PPP4R3B: variants seen among roughly 807,000 people sequenced by gnomAD.
PPP4R3B encodes serine/threonine-protein phosphatase 4 regulatory subunit 3B.
Under a neutral mutation model 95.4 loss-of-function variants are expected in PPP4R3B, and 52 were observed. The ratio of observed to expected loss-of-function variants is 0.54; its 90% confidence interval spans 0.44 to 0.69. The LOEUF is 0.69. PPP4R3B is among the 30% of genes least tolerant of loss of function. The pLI, the probability that PPP4R3B is intolerant of heterozygous loss-of-function variation, is 0.00. For synonymous variants in PPP4R3B, 407 were observed against 343.9 expected (o/e 1.18, Z -2.03); for missense variants, 1,003 against 1,005.9 (o/e 1.00, Z 0.04).
At chr2:55,579,167 G>A (rs1013437661) in intron 9 of PPP4R3B, among the ~76,000 whole-genome samples, 1 of 151,916 alleles carries the variant, frequency 6.6e-6, no homozygotes, top group Admixed American at 6.6e-5. Context: ...TGAATTACGG[G>A]TGCCGATTAC....
intron 15 of PPP4R3B, among the ~76,000 whole-genome samples, chr2:55,562,858 C>T (rs988462147): frequency 1.3e-5 from 2 of 152,328 alleles, no homozygotes; most frequent in East Asian, 3.9e-4. Context: ...TGACTCTACA[C>T]TTCTTTACTC....
intron 16 of PPP4R3B, among the ~76,000 whole-genome samples, chr2:55,558,503 G>GAC (rs1686145691): frequency 2.0e-5 from 3 of 152,090 alleles, no homozygotes; most frequent in African/African-American, 7.2e-5. Context: ...AGCTACTTGG[G>GAC]AGACTGAGGC....
intron 2 of PPP4R3B, among the ~76,000 whole-genome samples, chr2:55,604,676 G>A (rs1320040285): frequency 6.6e-6 from 1 of 152,022 alleles, no homozygotes; most frequent in African/African-American, 2.4e-5. Context: ...CAAGGTTTAG[G>A]TAAGCAGTCT....
intron 4 of PPP4R3B, among the ~76,000 whole-genome samples, chr2:55,589,228 G>A (rs1427492878): frequency 6.6e-6 from 1 of 152,134 alleles, no homozygotes; most frequent in Non-Finnish European, 1.5e-5. Flanking sequence ...GAGGTGTTAC[G>A]TGAAAACTCA....
chr2:55,564,901 C>T lies in PPP4R3B; in HGVS notation c.2075+1G>A. On this transcript the variant is annotated splice_donor_variant, in intron 14 of 16. Coordinates refer to ENST00000616407, the MANE Select transcript of PPP4R3B (RefSeq NM_001122964.3). LOFTEE classifies it high-confidence loss of function. ...ATAAAAGCAGTATACTTAAACAATA[C>T]CTGTTCAGTTTCTGATTTTGTCTGT... 1 of 1,608,772 alleles carries T rather than the reference C, an allele frequency of 6.2e-7. No homozygotes were observed. The highest frequency in any genetic ancestry group is 8.5e-7 in the Non-Finnish European group (1 of 1,178,312).
intron 2 of PPP4R3B, among the ~76,000 whole-genome samples, chr2:55,611,807 C>T (rs896040999): frequency 6.6e-6 from 1 of 152,086 alleles, no homozygotes; most frequent in South Asian, 2.1e-4. Context: ...TGGCTTACTA[C>T]AGTCTCGACC....
chr2:55,553,661 G>C (rs961791552), intron 16 of PPP4R3B, among the ~76,000 whole-genome samples: 1 of 151,492 alleles, frequency 6.6e-6, no homozygotes, highest in African/African-American at 2.4e-5. Flanking sequence ...TTGTTTCTGC[G>C]GATTTGCTTA....
chr2:55,584,942 T>A, intron 7 of PPP4R3B, 109 bp downstream of exon 7: 1 of 862,460 alleles, frequency 1.2e-6, no homozygotes, highest in Non-Finnish European at 1.8e-6. Flanking sequence ...AAATCTATTA[T>A]TTTGCTCCCA....
intron 12 of PPP4R3B, 100 bp downstream of exon 12, chr2:55,573,519 C>T: frequency 2.7e-6 from 3 of 1,093,380 alleles, no homozygotes; most frequent in Non-Finnish European, 3.9e-6. Flanking sequence ...TCACAATCAT[C>T]TCATTCATAG....
At chr2:55,600,014 C>G (rs1215164805) in intron 3 of PPP4R3B, among the ~76,000 whole-genome samples, 1 of 152,138 alleles carries the variant, frequency 6.6e-6, no homozygotes, top group African/African-American at 2.4e-5. Flanking sequence ...ATTATCTTTG[C>G]TCTTGTTTTT....
intron 5 of PPP4R3B, among the ~76,000 whole-genome samples, chr2:55,587,279 G>A (rs1277924619): frequency 1.3e-5 from 2 of 152,214 alleles, no homozygotes; most frequent in Admixed American, 1.3e-4. Context: ...GAGGTGCCAG[G>A]ATACTCTGAA....
rs1437065899 is a variant in PPP4R3B at position 55,617,311 on chromosome 2, G to A, written c.-26C>T. ...GGTGGCTGCTGTCTCCACCGCTCTA[G>A]CCGCCGCCTCCTCGCTTACCTCGTC... On this transcript the variant is annotated 5_prime_UTR_variant, in exon 1 of 17. Coordinates refer to ENST00000616407, the MANE Select transcript of PPP4R3B (RefSeq NM_001122964.3). The A allele has an allele frequency of 1.3e-6, 2 of 1,554,920 alleles. No homozygotes were observed. Among genetic ancestry groups the A allele is most frequent in the African/African-American group, 1.4e-5 (1 of 72,924 alleles).
At chr2:55,565,083 C>CT in intron 13 of PPP4R3B, 42 bp from the exon 14 acceptor site, 1 of 1,439,580 alleles carries the variant, frequency 6.9e-7, no homozygotes, top group East Asian at 2.5e-5. Context: ...TAATACAATG[C>CT]TTGTTAGAAG....
At chr2:55,589,092 T>C in intron 4 of PPP4R3B, 136 bp from the exon 5 acceptor site, 1 of 566,048 alleles carries the variant, frequency 1.8e-6, no homozygotes. Context: ...TGGGGTGTAT[T>C]TCTGTGTTAC....
At chr2:55,604,526 T>C (rs1191865408) in intron 2 of PPP4R3B, among the ~76,000 whole-genome samples, 1 of 152,048 alleles carries the variant, frequency 6.6e-6, no homozygotes, top group Non-Finnish European at 1.5e-5. Context: ...TTTTGCCTTT[T>C]TTTTTTATAT....
rs1692197023 is a variant in PPP4R3B, at chr2:55,599,015, C to T, written c.322G>A (p.Glu108Lys). The T allele has an allele frequency of 3.1e-6, 5 of 1,613,474 alleles. No homozygotes were observed. The highest frequency in any genetic ancestry group is 4.2e-6 in the Non-Finnish European group (5 of 1,179,790). Reference sequence around the variant, plus strand: ...TCATCAATGAGGTCCTGTGTGACTTCCACTGATGGGTCTTTACCTTGAACC... The same window carrying T: ...TCATCAATGAGGTCCTGTGTGACTTTCACTGATGGGTCTTTACCTTGAACC... ...CQVQGKDPSV[E>K]VTQDLIDESE... The change falls in exon 4 of 17, where the codon GAA (glutamate) becomes AAA (lysine). Residue 108 changes from glutamate (E) to lysine (K), a missense_variant. By Grantham distance (56) the Glu-to-Lys change is moderately conservative. Around this residue, in one of 3 missense-constraint regions of PPP4R3B, gnomAD observed 695 missense variants for 686.2 expected, o/e 1.01. Coordinates refer to ENST00000616407, the MANE Select transcript of PPP4R3B (RefSeq NM_001122964.3).
At chr2:55,596,808 CA>C (rs1178631804) in intron 4 of PPP4R3B, among the ~76,000 whole-genome samples, 1 of 151,902 alleles carries the variant, frequency 6.6e-6, no homozygotes, top group East Asian at 1.9e-4. Flanking sequence ...ACTAAAAATA[CA>C]AAAAATTAGT....
chr2:55,595,485 A>C (rs1691638750), intron 4 of PPP4R3B, among the ~76,000 whole-genome samples: 1 of 151,788 alleles, frequency 6.6e-6, no homozygotes, highest in Admixed American at 6.6e-5. Context: ...ATAAATTTTT[A>C]AAAATTACAA....
At chr2:55,573,155 T>C (rs903293202) in intron 12 of PPP4R3B, among the ~76,000 whole-genome samples, 2 of 152,204 alleles carry the variant, frequency 1.3e-5, no homozygotes, top group African/African-American at 4.8e-5. Flanking sequence ...TAAAATATAA[T>C]TTTTATGGTC....
Sources: allele counts gnomAD v4.1 joint callset (sites outside exome capture counted in the v4.1 genomes callset), GRCh38; gene constraint gnomAD v4.1.1; regional missense constraint gnomAD v4.1.1; transcripts MANE v1.5; gene names NCBI Gene and HGNC (gene_info 2026-07-23, HGNC 2026-07-21).